Variants in RGS21 observed in about 807,000 individuals in gnomAD.
RGS21 encodes the protein regulator of G-protein signalling 21.
Under a neutral mutation model 18.7 loss-of-function variants are expected in RGS21, and 19 were observed. The ratio of observed to expected loss-of-function variants is 1.01; its 90% confidence interval spans 0.71 to 1.49. RGS21 has a LOEUF of 1.49. RGS21 is among the 40% of genes most tolerant of loss of function. RGS21 has a pLI of 0.00. For synonymous variants in RGS21, 56 were observed against 57.8 expected, an observed-to-expected ratio of 0.97 and a Z score of 0.14; for missense variants, 194 against 176.8, an observed-to-expected ratio of 1.10 and a Z score of -0.55.
intron 1 of RGS21, among the ~76,000 whole-genome samples, chr1:192,330,202 G>A (rs1248193543): frequency 2.0e-5 from 3 of 152,132 alleles, no homozygotes. Context: ...CATATAATAG[G>A]TGTTACGAAA....
At chr1:192,358,019 G>C (rs915721636) in intron 4 of RGS21, among the ~76,000 whole-genome samples, 1 of 152,014 alleles carries the variant, frequency 6.6e-6, no homozygotes, top group Non-Finnish European at 1.5e-5. Context: ...AGCATGTTGG[G>C]ATTGGTGATG....
At chr1:192,329,813 G>C (rs1658620028) in intron 1 of RGS21, among the ~76,000 whole-genome samples, 1 of 152,062 alleles carries the variant, frequency 6.6e-6, no homozygotes, top group South Asian at 2.1e-4. Flanking sequence ...TACACACACA[G>C]AATAGATATT....
intron 4 of RGS21, among the ~76,000 whole-genome samples, chr1:192,364,625 G>A (rs1337277811): frequency 3.3e-5 from 5 of 151,998 alleles, no homozygotes; most frequent in African/African-American, 1.2e-4. Flanking sequence ...CCTCAATTTA[G>A]TGCACCATAA....
chr1:192,330,864 A>G (rs141304105), intron 1 of RGS21, among the ~76,000 whole-genome samples: 275 of 152,256 alleles, frequency 1.8e-3, no homozygotes, highest in African/African-American at 6.3e-3. Context: ...TAAGGATTGA[A>G]TGATAGACAA....
intron 4 of RGS21, among the ~76,000 whole-genome samples, chr1:192,361,076 A>T (rs1659181280): frequency 6.6e-6 from 1 of 152,112 alleles, no homozygotes; most frequent in African/African-American, 2.4e-5. Flanking sequence ...CTCCGCCACC[A>T]AAAGAGGATA....
chr1:192,350,138 T>G (rs1387777888), intron 3 of RGS21, among the ~76,000 whole-genome samples: 1 of 152,164 alleles, frequency 6.6e-6, no homozygotes, highest in Non-Finnish European at 1.5e-5. Context: ...AATTGAATTT[T>G]TATATAGTGC....
intron 4 of RGS21, among the ~76,000 whole-genome samples, chr1:192,360,917 C>T (rs981785230): frequency 6.6e-6 from 1 of 151,950 alleles, no homozygotes; most frequent in Non-Finnish European, 1.5e-5. Context: ...AATCTGATTT[C>T]TTGATTGACT....
At chr1:192,325,877 T>C (rs910161662) in intron 1 of RGS21, among the ~76,000 whole-genome samples, 1 of 152,120 alleles carries the variant, frequency 6.6e-6, no homozygotes, top group Non-Finnish European at 1.5e-5. Context: ...TGAGTTTTTC[T>C]AGTTTTAAAT....
chr1:192,319,008 T>C (rs1226223710), intron 1 of RGS21, among the ~76,000 whole-genome samples: 1 of 152,074 alleles, frequency 6.6e-6, no homozygotes, highest in Non-Finnish European at 1.5e-5. Context: ...AATGGGAGGA[T>C]TGCTTGAGGC....
chr1:192,336,333 T>A (rs887959148), intron 1 of RGS21, among the ~76,000 whole-genome samples: 1 of 152,120 alleles, frequency 6.6e-6, no homozygotes. Context: ...TGGATGCCTG[T>A]AATCTCAGCT....
intron 1 of RGS21, among the ~76,000 whole-genome samples, chr1:192,333,337 AT>A (rs571536551): frequency 4.6e-4 from 70 of 151,744 alleles, no homozygotes; most frequent in African/African-American, 1.3e-3. Flanking sequence ...AATCCTACAC[AT>A]TTAATCCAGA....
chr1:192,341,774 T>A (rs1325218151), intron 1 of RGS21, among the ~76,000 whole-genome samples: 2 of 151,862 alleles, frequency 1.3e-5, no homozygotes, highest in Non-Finnish European at 2.9e-5. Flanking sequence ...TCTTTTTTTT[T>A]TTTTTTAACC....
chr1:192,345,732 G>A (rs1299508933), intron 2 of RGS21, among the ~76,000 whole-genome samples: 4 of 151,970 alleles, frequency 2.6e-5, no homozygotes, highest in African/African-American at 9.7e-5. Flanking sequence ...ACAGGTCTAA[G>A]TAGCTTTAAT....
Position 192,351,653 on chromosome 1 carries a change from C to T in RGS21, c.89-394C>T, listed in dbSNP as rs541969855. ...GAAGCTAATTGTAGAAATATATATG[C>T]TATATATATAACATATATAACACAT... On this transcript the variant is annotated intron_variant, in intron 3 of 4. Coordinates refer to ENST00000417209, the MANE Select transcript of RGS21 (RefSeq NM_001039152.3). Among the ~76,000 whole-genome samples the T allele has an allele frequency of 1.1e-4, 16 of 147,516 alleles. No homozygotes were observed. The South Asian group carries it at 3.2e-3, about 29-fold the overall frequency.
intron 1 of RGS21, among the ~76,000 whole-genome samples, chr1:192,318,484 G>T (rs1310867564): frequency 6.6e-6 from 1 of 152,058 alleles, no homozygotes; most frequent in East Asian, 1.9e-4. Flanking sequence ...TTTACGCTGA[G>T]CTAAACTCTC....
At chr1:192,350,831 A>ATC (rs1659030585) in intron 3 of RGS21, among the ~76,000 whole-genome samples, 1 of 152,172 alleles carries the variant, frequency 6.6e-6, no homozygotes, top group African/African-American at 2.4e-5. Flanking sequence ...TATGCCAAAG[A>ATC]AAAATGTTTC....
At chr1:192,342,955 C>G in intron 1 of RGS21, 22 bp from the exon 2 acceptor site, 1 of 1,356,406 alleles carries the variant, frequency 7.4e-7, no homozygotes, top group Admixed American at 1.7e-5. Context: ...TTGTAATGTT[C>G]CTGCTGTCAC....
chr1:192,337,453 T>C (rs1412618772), intron 1 of RGS21, among the ~76,000 whole-genome samples: 1 of 152,076 alleles, frequency 6.6e-6, no homozygotes, highest in African/African-American at 2.4e-5. Flanking sequence ...AAAATACTCT[T>C]TTTAAAATTA....
intron 4 of RGS21, among the ~76,000 whole-genome samples, chr1:192,363,219 T>C (rs1659211337): frequency 6.6e-6 from 1 of 152,154 alleles, no homozygotes; most frequent in Non-Finnish European, 1.5e-5. Context: ...ATCATGGCTT[T>C]GGACTTTTTA....
Sources: gnomAD v4.1 joint callset for allele counts (sites outside exome capture counted in the v4.1 genomes callset) on GRCh38, gnomAD v4.1.1 for gene constraint, MANE v1.5 for transcripts, NCBI Gene and HGNC (gene_info 2026-07-23, HGNC 2026-07-21) for gene names.